The following METTL15 variants were observed in gnomAD, a reference collection of about 807,000 sequenced individuals.
METTL15 encodes the protein methyltransferase 15, mitochondrial 12S rRNA N4-cytidine.
Under a neutral mutation model 38.3 loss-of-function variants are expected in METTL15, and 34 were observed. The ratio of observed to expected loss-of-function variants is 0.89; its 90% CI spans 0.68 to 1.18. The LOEUF is 1.18. METTL15 is among the 50% of genes most tolerant of loss of function. The pLI is 0.00. For missense variants in METTL15, 438 were observed against 498.4 expected (o/e 0.88, Z 1.15); for synonymous variants, 162 against 170.9 (o/e 0.95, Z 0.41).
At chr11:28,469,416 A>G (rs1324104391) in intron 6 of METTL15, among the ~76,000 whole-genome samples, 1 of 152,168 alleles carries the variant, frequency 6.6e-6, no homozygotes, top group African/African-American at 2.4e-5. Flanking sequence ...TTTTTGTTGT[A>G]TGGTGAGAAC....
chr11:28,353,902 G>A (rs1333569731), intron 4 of METTL15, among the ~76,000 whole-genome samples: 1 of 148,254 alleles, frequency 6.7e-6, no homozygotes, highest in East Asian at 2.0e-4. Context: ...TCCGCAGTCC[G>A]GCCTGGGCGA....
At chr11:28,152,265 A>G (rs1850116611) in intron 3 of METTL15, among the ~76,000 whole-genome samples, 1 of 151,832 alleles carries the variant, frequency 6.6e-6, no homozygotes, top group Admixed American at 6.6e-5. Context: ...ACTGCAGCAC[A>G]CTGCTAACCT....
Position 28,296,925 on chromosome 11 carries a change from G to A in METTL15, c.772G>A (p.Val258Ile), listed in dbSNP as rs370118108. 38 of 1,613,224 alleles carry A rather than the reference G, an allele frequency of 2.4e-5. No individual in the cohort carries two copies. In the African/African-American group the frequency reaches 3.3e-4, roughly 14 times the overall value. The change falls in exon 6 of 7, where the codon GTT (valine) becomes ATT (isoleucine). Residue 258 changes from valine to isoleucine, a missense_variant. Coordinates refer to ENST00000407364, the MANE Select transcript of METTL15 (RefSeq NM_001113528.2). ...CAGAACCCAGCAGCTTGCCAGCATC[G>A]TTGCAGGTAGCCTCATTAATTCTCA... Reference protein sequence around the residue: ...ITRTQQLASIVAGAFPPSAIY... With the variant: ...ITRTQQLASIIAGAFPPSAIY...
intron 6 of METTL15, among the ~76,000 whole-genome samples, chr11:28,439,827 T>C (rs1245102912): frequency 6.6e-6 from 1 of 152,230 alleles, no homozygotes; most frequent in African/African-American, 2.4e-5. Context: ...AGGAGATGCC[T>C]TGGGTCTGGA....
At chr11:28,440,955 T>C (rs547775902) in intron 6 of METTL15, among the ~76,000 whole-genome samples, 1 of 152,254 alleles carries the variant, frequency 6.6e-6, no homozygotes, top group Non-Finnish European at 1.5e-5. Flanking sequence ...TGAGATGTGC[T>C]GTTAAGTATA....
intron 3 of METTL15, among the ~76,000 whole-genome samples, chr11:28,170,215 G>A (rs1432751881): frequency 6.6e-6 from 1 of 152,130 alleles, no homozygotes; most frequent in East Asian, 1.9e-4. Context: ...ACAGGATGGG[G>A]ACTTGGACTT....
At chr11:28,408,075 AT>A (rs1487920150) in intron 5 of METTL15, among the ~76,000 whole-genome samples, 1 of 151,792 alleles carries the variant, frequency 6.6e-6, no homozygotes, top group Non-Finnish European at 1.5e-5. Flanking sequence ...CAAACACCAC[AT>A]TTTCTCACTT....
At chr11:28,138,672 G>A (rs551406043) in intron 3 of METTL15, among the ~76,000 whole-genome samples, 13 of 152,308 alleles carry the variant, frequency 8.5e-5, no homozygotes, top group Admixed American at 8.5e-4. Context: ...TAACCGGAAA[G>A]TACTCATTCC....
Position 28,485,772 on chromosome 11 carries a change from G to A in METTL15, c.*425-40706G>A, listed in dbSNP as rs995900049. ...GTACTGGGTGGCTTACACAACAGGT[G>A]CTTATTTCTCATAATTCTGGAGGAC... On this transcript the variant is annotated intron_variant and NMD_transcript_variant, in intron 6 of 7. Coordinates refer to the METTL15 transcript ENST00000532947. 3.9e-5 allele frequency among the ~76,000 whole-genome samples: 6 copies of A among 152,294 alleles called. No individual in the cohort carries two copies. In the East Asian group the frequency reaches 9.7e-4, roughly 25 times the overall value.
chr11:28,482,390 G>A (rs1326616037), intron 6 of METTL15, among the ~76,000 whole-genome samples: 2 of 152,210 alleles, frequency 1.3e-5, no homozygotes, highest in African/African-American at 4.8e-5. Flanking sequence ...AGGAGCCTCT[G>A]AGTCCTTGTC....
chr11:28,520,875 A>G (rs769244013), intron 6 of METTL15, among the ~76,000 whole-genome samples: 10 of 152,166 alleles, frequency 6.6e-5, no homozygotes, highest in Non-Finnish European at 1.2e-4. Flanking sequence ...ATGTTTTCCA[A>G]CCTCTTTCAA....
chr11:28,186,792 T>C (rs1001136679), intron 3 of METTL15, among the ~76,000 whole-genome samples: 1 of 151,272 alleles, frequency 6.6e-6, no homozygotes, highest in Non-Finnish European at 1.5e-5. Context: ...GAGGATGCTG[T>C]GATTAAGTAA....
At chr11:28,173,551 C>T (rs1335276805) in intron 3 of METTL15, among the ~76,000 whole-genome samples, 4 of 152,122 alleles carry the variant, frequency 2.6e-5, no homozygotes, top group African/African-American at 9.7e-5. Flanking sequence ...CATGATATAA[C>T]CTATACTCAT....
At chr11:28,267,712 C>T (rs1424957421) in intron 4 of METTL15, among the ~76,000 whole-genome samples, 2 of 152,076 alleles carry the variant, frequency 1.3e-5, no homozygotes, top group Non-Finnish European at 2.9e-5. Flanking sequence ...AACAATATGA[C>T]TCACAGAGGT....
intron 5 of METTL15, among the ~76,000 whole-genome samples, chr11:28,394,063 G>A (rs964705737): frequency 6.6e-5 from 10 of 152,026 alleles, no homozygotes; most frequent in African/African-American, 2.4e-4. Flanking sequence ...TTTTCCATTA[G>A]GCTGAGCACC....
chr11:28,380,767 T>C (rs1264574767), intron 5 of METTL15, among the ~76,000 whole-genome samples: 3 of 152,154 alleles, frequency 2.0e-5, no homozygotes, highest in Non-Finnish European at 2.9e-5. Flanking sequence ...CAAATGTTCG[T>C]CTAGGAGAAA....
At chr11:28,502,553 G>C (rs1019076982) in intron 6 of METTL15, among the ~76,000 whole-genome samples, 9 of 152,084 alleles carry the variant, frequency 5.9e-5, no homozygotes, top group Non-Finnish European at 1.3e-4. Context: ...TATCCAAAAG[G>C]GTAGCAGCTT....
rs147904788 is a variant in METTL15, at chr11:28,381,884, T to C, written c.*358+19848T>C. On this transcript the variant is annotated intron_variant and NMD_transcript_variant, in intron 5 of 7. Coordinates refer to the METTL15 transcript ENST00000532947. ...TCACTGTATCTTTGCTTTGTCCACT[T>C]GGGAAGGTCAAATTTTATGGTTTCC... Among the ~76,000 whole-genome samples the C allele has an allele frequency of 4.7e-3, 711 of 152,212 alleles. 3 individuals carry two copies. Among genetic ancestry groups the C allele is most frequent in the African/African-American group, 0.016 (668 of 41,558 alleles).
At chr11:28,349,749 C>G (rs1850026160) in intron 3 of METTL15, among the ~76,000 whole-genome samples, 1 of 152,174 alleles carries the variant, frequency 6.6e-6, no homozygotes, top group Non-Finnish European at 1.5e-5. Flanking sequence ...ACATTTTCAT[C>G]TCCCCAGAAA....
Sources: gnomAD v4.1 joint callset for allele counts (sites outside exome capture counted in the v4.1 genomes callset) on GRCh38, gnomAD v4.1.1 for gene constraint, MANE v1.5 for transcripts, NCBI Gene and HGNC (gene_info 2026-07-23, HGNC 2026-07-21) for gene names.